Variants in GNG12 observed in about 807,000 individuals in gnomAD.
GNG12 encodes guanine nucleotide-binding protein G(I)/G(S)/G(O) subunit gamma-12.
For missense variants in GNG12, 69 were observed against 83.8 expected, an observed-to-expected ratio of 0.82 and a Z score of 0.69; for synonymous variants, 28 against 29.7, an observed-to-expected ratio of 0.94 and a Z score of 0.19.
At chr1:67,809,350 G>A (rs773523378) in intron 1 of GNG12, among the ~76,000 whole-genome samples, 28 of 152,040 alleles carry the variant, frequency 1.8e-4, no homozygotes, top group Non-Finnish European at 3.7e-4. Flanking sequence ...AGAAAACATA[G>A]GAGAAAATGT....
chr1:67,768,444 T>C (rs1646654139), intron 2 of GNG12, among the ~76,000 whole-genome samples: 1 of 152,046 alleles, frequency 6.6e-6, no homozygotes, highest in Non-Finnish European at 1.5e-5. Flanking sequence ...ATTTAGATTT[T>C]TTCCCAAATT....
At chr1:67,781,263 G>T (rs1289391011) in intron 1 of GNG12, among the ~76,000 whole-genome samples, 1 of 152,144 alleles carries the variant, frequency 6.6e-6, no homozygotes, top group Admixed American at 6.6e-5. Flanking sequence ...GTGCATGGAC[G>T]GATGTCAGCA....
intron 2 of GNG12, among the ~76,000 whole-genome samples, chr1:67,749,876 A>C (rs1646528356): frequency 6.6e-6 from 1 of 152,186 alleles, no homozygotes; most frequent in South Asian, 2.1e-4. Context: ...CTGACAAATA[A>C]GGTAAGGACT....
At chr1:67,718,752 A>G (rs1646341060) in intron 2 of GNG12, among the ~76,000 whole-genome samples, 1 of 152,188 alleles carries the variant, frequency 6.6e-6, no homozygotes, top group Non-Finnish European at 1.5e-5. Flanking sequence ...ATGCTCAGAT[A>G]TAGTACCCCT....
chr1:67,722,854 C>A (rs1042164624), intron 2 of GNG12, among the ~76,000 whole-genome samples: 1 of 152,118 alleles, frequency 6.6e-6, no homozygotes, highest in Non-Finnish European at 1.5e-5. Flanking sequence ...ATGGTCAGGG[C>A]TTGGGGTCAG....
intron 2 of GNG12, among the ~76,000 whole-genome samples, chr1:67,774,885 T>C (rs1646695320): frequency 6.6e-6 from 1 of 152,256 alleles, no homozygotes; most frequent in Admixed American, 6.5e-5. Context: ...TGGTGGAATA[T>C]ACTACAAAAG....
intron 2 of GNG12, among the ~76,000 whole-genome samples, chr1:67,769,903 C>T (rs143667030): frequency 6.6e-6 from 1 of 152,246 alleles, no homozygotes; most frequent in East Asian, 1.9e-4. Flanking sequence ...CTAGGTTTGG[C>T]TCAGAGGGAG....
chr1:67,759,795 G>C (rs999223708), intron 2 of GNG12, among the ~76,000 whole-genome samples: 1 of 132,332 alleles, frequency 7.6e-6, no homozygotes, highest in Non-Finnish European at 1.5e-5. Context: ...TTTCAACAAT[G>C]CTCACTCACT....
chr1:67,771,391 C>T lies in GNG12; in HGVS notation c.-27+6067G>A, dbSNP rs936181145. On this transcript the variant is annotated intron_variant, in intron 2 of 3. Transcript: ENST00000370982. ...AAGTTAGGCAACTTGCCCAGGGTCA[C>T]GCAGGTAAGTAAGTAAAGTAGTAGG... 2.6e-5 allele frequency among the ~76,000 whole-genome samples: 4 copies of T among 152,306 alleles called. No homozygotes were observed. In the East Asian group the frequency reaches 7.7e-4, roughly 29 times the overall value.
chr1:67,833,089 C>T (rs984668838), intron 1 of GNG12, among the ~76,000 whole-genome samples: 1 of 151,532 alleles, frequency 6.6e-6, no homozygotes, highest in Admixed American at 6.6e-5. Flanking sequence ...GCCGTTTCTG[C>T]CTCTGGGTCT....
intron 1 of GNG12, among the ~76,000 whole-genome samples, chr1:67,831,595 AT>A: frequency 6.6e-6 from 1 of 152,288 alleles, no homozygotes; most frequent in East Asian, 1.9e-4. Flanking sequence ...ACTTTTCAGC[AT>A]TTTTTGGACT....
At chr1:67,739,798 T>G (rs1220118826) in intron 2 of GNG12, among the ~76,000 whole-genome samples, 1 of 152,208 alleles carries the variant, frequency 6.6e-6, no homozygotes, top group Non-Finnish European at 1.5e-5. Flanking sequence ...AATGACCTGC[T>G]TAATTTAAAC....
chr1:67,775,607 C>A (rs951048374), intron 2 of GNG12, among the ~76,000 whole-genome samples: 1 of 152,196 alleles, frequency 6.6e-6, no homozygotes, highest in Non-Finnish European at 1.5e-5. Flanking sequence ...ACCTGCTGTA[C>A]CCTCAGCCCT....
intron 1 of GNG12, among the ~76,000 whole-genome samples, chr1:67,805,830 T>C (rs1310541911): frequency 1.4e-5 from 2 of 146,792 alleles, no homozygotes; most frequent in Admixed American, 6.7e-5. Context: ...GAATAAATAC[T>C]TAAAAAAAAA....
chr1:67,786,287 T>C (rs1391843194), intron 1 of GNG12, among the ~76,000 whole-genome samples: 4 of 152,216 alleles, frequency 2.6e-5, no homozygotes, highest in African/African-American at 9.6e-5. Flanking sequence ...CCCACTGATA[T>C]TTATGTAACC....
intron 1 of GNG12, among the ~76,000 whole-genome samples, chr1:67,789,941 T>A (rs1349202696): frequency 1.3e-5 from 2 of 152,208 alleles, no homozygotes; most frequent in African/African-American, 4.8e-5. Context: ...CTCCGCAGAA[T>A]AGTTTAGTCT....
At chr1:67,711,714 A>G (rs995830803) in intron 2 of GNG12, among the ~76,000 whole-genome samples, 1 of 152,120 alleles carries the variant, frequency 6.6e-6, no homozygotes, top group Non-Finnish European at 1.5e-5. Flanking sequence ...CTTTAGGCCG[A>G]TAAGGGGAGC....
At chr1:67,786,933 ATATGTGTGTGTGTG>A (rs1646771334) in intron 1 of GNG12, among the ~76,000 whole-genome samples, 8 of 52,120 alleles carry the variant, frequency 1.5e-4, no homozygotes, top group African/African-American at 4.3e-4. Context: ...ACTTATATAT[ATATGTGTGTGTGTG>A]TGTGTGTGTG....
chr1:67,768,517 T>G (rs1470415585), intron 2 of GNG12, among the ~76,000 whole-genome samples: 1 of 152,088 alleles, frequency 6.6e-6, no homozygotes, highest in East Asian at 1.9e-4. Flanking sequence ...GCTTTAAAGG[T>G]TTTTAGAAAT....
Sources: gnomAD v4.1 joint callset for allele counts (sites outside exome capture counted in the v4.1 genomes callset) on GRCh38, gnomAD v4.1.1 for gene constraint, MANE v1.5 for transcripts, NCBI Gene and HGNC (gene_info 2026-07-23, HGNC 2026-07-21) for gene names.